The following ANKS1B variants were observed in gnomAD, a reference collection of about 807,000 sequenced individuals.
ANKS1B encodes ankyrin repeat and sterile alpha motif domain-containing protein 1B.
Under a neutral mutation model 148.3 loss-of-function variants are expected in ANKS1B, and 36 were observed. The ratio of observed to expected loss-of-function variants is 0.24; its 90% CI spans 0.19 to 0.32. The LOEUF is 0.32. Among genes scored for constraint, ANKS1B ranks in the 10% least tolerant of loss-of-function variants. ANKS1B has a pLI of 1.00. For synonymous variants in ANKS1B, 542 were observed against 560.8 expected (o/e 0.97, Z 0.47); for missense variants, 1,157 against 1,542.6 (o/e 0.75, Z 4.19).
At chr12:99,649,009 T>C (rs1418284742) in intron 9 of ANKS1B, among the ~76,000 whole-genome samples, 1 of 152,150 alleles carries the variant, frequency 6.6e-6, no homozygotes, top group East Asian at 1.9e-4. Context: ...TTCTTAGCTG[T>C]CAGCAACTCT....
chr12:99,582,689 G>A (rs1157785291), intron 9 of ANKS1B, among the ~76,000 whole-genome samples: 3 of 152,170 alleles, frequency 2.0e-5, no homozygotes, highest in African/African-American at 7.2e-5. Context: ...TCAAGATAAT[G>A]AGGGGATTGA....
chr12:99,652,210 C>T (rs1310226757), intron 9 of ANKS1B, among the ~76,000 whole-genome samples: 2 of 151,962 alleles, frequency 1.3e-5, no homozygotes, highest in African/African-American at 2.4e-5. Context: ...CAGTGGCTCA[C>T]GCCTGTAATA....
chr12:99,867,137 A>T (rs1701101796), intron 1 of ANKS1B, among the ~76,000 whole-genome samples: 1 of 152,184 alleles, frequency 6.6e-6, no homozygotes. Flanking sequence ...AGATTAAATG[A>T]AAGTAATTTG....
At chr12:98,739,872 A>T (rs894751253), downstream of ANKS1B, among the ~76,000 whole-genome samples, 8 of 151,784 alleles carry the variant, frequency 5.3e-5, no homozygotes, top group African/African-American at 1.9e-4. Flanking sequence ...ACAAATTGCG[A>T]CCCTGCTGCT....
Position 99,643,845 on chromosome 12 carries a change from G to A in ANKS1B, c.1272+11222C>T, listed in dbSNP as rs530227945. On this transcript the variant is annotated intron_variant, in intron 9 of 26. Coordinates refer to ENST00000683438, the MANE Select transcript of ANKS1B (RefSeq NM_001352186.2). ...TCAATCTCTTCAAAGAGCCCTCTGT[G>A]TGGTTGAATAATCTCAGTTTTTGAT... Among the ~76,000 whole-genome samples, 9 of 152,284 alleles carry A rather than the reference G, an allele frequency of 5.9e-5. No individual in the cohort carries two copies. The South Asian group carries it at 1.7e-3, about 28-fold the overall frequency.
intron 17 of ANKS1B, among the ~76,000 whole-genome samples, chr12:98,928,476 C>A (rs1597094592): frequency 6.6e-6 from 1 of 151,722 alleles, no homozygotes; most frequent in South Asian, 2.1e-4. Context: ...AATGACATCA[C>A]AAGAAAATAA....
At position 98,744,848 on chromosome 12, in the gene ANKS1B, C is replaced by T. The variant is rs898498490; in HGVS notation, c.*891G>A. 5.1e-6 allele frequency: 5 copies of T among 984,830 alleles called. No homozygotes were observed. The African/African-American group carries it at 7.0e-5, about 14-fold the overall frequency. 61.0% of individuals were successfully genotyped at this position (984,830 alleles called of 1,614,324 possible). On this transcript the variant is annotated 3_prime_UTR_variant, in exon 27 of 27. Coordinates refer to ENST00000683438, the MANE Select transcript of ANKS1B (RefSeq NM_001352186.2). ...AACACTGTGAAGATTAAAAAACAAT[C>T]TTGGCAGGCTGATGGCTGCGTCAGC...
chr12:98,846,801 A>G (rs2099475964), intron 17 of ANKS1B, among the ~76,000 whole-genome samples: 2 of 152,248 alleles, frequency 1.3e-5, no homozygotes, highest in African/African-American at 4.8e-5. Flanking sequence ...TGAACAAATA[A>G]TAGCAAAAGA....
chr12:98,838,432 A>G (rs113847867), intron 17 of ANKS1B, among the ~76,000 whole-genome samples: 2,802 of 151,642 alleles, frequency 0.018, 105 homozygotes, highest in African/African-American at 0.064. Flanking sequence ...ACAAACCCAC[A>G]TAATGTTCCT....
At chr12:99,508,160 C>G (rs560193119) in intron 9 of ANKS1B, among the ~76,000 whole-genome samples, 1 of 151,782 alleles carries the variant, frequency 6.6e-6, no homozygotes, top group Non-Finnish European at 1.5e-5. Flanking sequence ...CAGTGTGGTA[C>G]AGGAGCTCAT....
rs550259141 is a variant in ANKS1B, at chr12:99,570,699, T to A, written c.1273-66058A>T. Among the ~76,000 whole-genome samples, 5 of 151,164 alleles carry A rather than the reference T, an allele frequency of 3.3e-5. 1 individual carries two copies. In the East Asian group the frequency reaches 9.7e-4, roughly 29 times the overall value. On this transcript the variant is annotated intron_variant, in intron 9 of 26. Transcript: ENST00000683438. The stretch of plus-strand genomic sequence containing the variant: ...AACAAGATTGGCAAAATGATGAACA[T>A]TGATGAAGCTGGGTGACTGGTATTA...
chr12:98,914,796 T>A lies in ANKS1B; in HGVS notation c.2779-82660A>T, dbSNP rs1284432933. Among the ~76,000 whole-genome samples the A allele has an allele frequency of 2.6e-5, 4 of 152,174 alleles. No homozygotes were observed. The East Asian group carries it at 7.7e-4, about 29-fold the overall frequency. The stretch of plus-strand genomic sequence containing the variant: ...GCTTCCTCATTTCCTTCATGACTAC[T>A]CAAATGAACCTCCTCACTGAAGCTT... On this transcript the variant is annotated intron_variant, in intron 17 of 26. Transcript: ENST00000683438.
At chr12:99,879,280 C>G (rs2092334824) in intron 1 of ANKS1B, among the ~76,000 whole-genome samples, 1 of 152,122 alleles carries the variant, frequency 6.6e-6, no homozygotes, top group Admixed American at 6.5e-5. Context: ...TGTTGTAGAA[C>G]TCAGCACAGG....
chr12:99,492,437 G>A (rs923462268), intron 10 of ANKS1B, among the ~76,000 whole-genome samples: 1 of 152,104 alleles, frequency 6.6e-6, no homozygotes, highest in Non-Finnish European at 1.5e-5. Context: ...AAAAGCCTAT[G>A]ACTAGACTGA....
intron 9 of ANKS1B, among the ~76,000 whole-genome samples, chr12:99,635,173 C>T (rs2098220717): frequency 6.6e-6 from 1 of 152,154 alleles, no homozygotes; most frequent in South Asian, 2.1e-4. Context: ...TAAAATGATG[C>T]AGCCACTATG....
rs183770073 is a variant in ANKS1B at position 99,959,417 on chromosome 12, T to C, written c.134+24687A>G. 1.1e-4 allele frequency among the ~76,000 whole-genome samples: 17 copies of C among 151,862 alleles called. No homozygotes were observed. The East Asian group carries it at 3.1e-3, about 28-fold the overall frequency. On this transcript the variant is annotated intron_variant, in intron 1 of 26. Coordinates refer to ENST00000683438, the MANE Select transcript of ANKS1B (RefSeq NM_001352186.2). The stretch of plus-strand genomic sequence containing the variant: ...AAAAGAAATATAATTCATTTAGACT[T>C]CTCTCCCAACTTCAAGTGAAAAGAT...
At chr12:99,560,840 CT>C (rs58588885) in intron 9 of ANKS1B, among the ~76,000 whole-genome samples, 1,269 of 71,900 alleles carry the variant, frequency 0.018, 3 homozygotes, top group African/African-American at 0.044. Flanking sequence ...TTTCTTTTTT[CT>C]TTTTTTTTTT....
intron 18 of ANKS1B, 135 bp downstream of exon 18, chr12:98,831,894 C>T (rs1302947195): frequency 6.6e-6 from 5 of 755,088 alleles, no homozygotes; most frequent in Non-Finnish European, 1.1e-5. Context: ...GGACTACAGA[C>T]AGGCACAACC....
intron 25 of ANKS1B, among the ~76,000 whole-genome samples, chr12:98,771,767 C>T (rs903569833): frequency 2.0e-5 from 3 of 152,218 alleles, no homozygotes; most frequent in African/African-American, 7.2e-5. Context: ...GTGTGAGCCA[C>T]TGAGCCCAGC....
Sources: gnomAD v4.1 joint callset for allele counts (sites outside exome capture counted in the v4.1 genomes callset) on GRCh38, gnomAD v4.1.1 for gene constraint, MANE v1.5 for transcripts, NCBI Gene and HGNC (gene_info 2026-07-23, HGNC 2026-07-21) for gene names.